The following SLIT2 variants were observed in gnomAD, a reference collection of about 807,000 sequenced individuals.
SLIT2 encodes the protein slit homolog 2 protein.
SLIT2 carries 41 observed loss-of-function variants against 185.7 expected under a neutral mutation model. The ratio of observed to expected loss-of-function variants is 0.22; its 90% CI spans 0.17 to 0.29. The LOEUF (loss-of-function observed/expected upper bound fraction) is 0.29. Ranked by LOEUF, SLIT2 falls within the 10% of genes least tolerant of loss-of-function variation. SLIT2 has a pLI of 1.00. For synonymous variants in SLIT2, 693 were observed against 680.2 expected (o/e 1.02, Z -0.29); for missense variants, 1,571 against 1,909.0 (o/e 0.82, Z 3.30).
In SLIT2 at chr4:20,466,006, A is replaced by C. The variant is rs184833152; in HGVS notation, c.396-1746A>C. On this transcript the variant is annotated intron_variant, in intron 4 of 36. Transcript: ENST00000504154. ...TTGAAGTGGAAAATTATAAGCGATT[A>C]GAAAACATGGAATTGGCGAAGACAG... is the stretch of plus-strand genomic sequence containing the variant. Among the ~76,000 whole-genome samples the C allele has an allele frequency of 4.4e-3, 674 of 151,540 alleles. 5 individuals carry two copies. The highest frequency in any genetic ancestry group is 0.015 in the African/African-American group (639 of 41,288).
In SLIT2 at chr4:20,528,790, C is replaced by T. The variant is rs1019145735; in HGVS notation, c.1463-159C>T. Among the ~76,000 whole-genome samples, 3 of 152,222 alleles carry T rather than the reference C, an allele frequency of 2.0e-5. No individual in the cohort carries two copies. In the East Asian group the frequency reaches 5.8e-4, roughly 29 times the overall value. On this transcript the variant is annotated intron_variant, in intron 15 of 36. Transcript: ENST00000504154. The surrounding 1 kb of genome is among the most constrained non-coding windows in gnomAD (Gnocchi z 4.2). ...CTCTTTTTTCCAGAAAATTCCAAGC[C>T]TTTCTTTTAACCTTTCTCCTGACAT...
At chr4:20,503,236 G>T (rs560028791) in intron 9 of SLIT2, among the ~76,000 whole-genome samples, 3 of 152,264 alleles carry the variant, frequency 2.0e-5, no homozygotes, top group South Asian at 4.1e-4. Context: ...TTAGGAAAAA[G>T]ATGTTATACA....
intron 11 of SLIT2, among the ~76,000 whole-genome samples, chr4:20,511,596 T>TTTTTATTA (rs1719748089): frequency 7.2e-6 from 1 of 138,574 alleles, no homozygotes; most frequent in African/African-American, 2.7e-5. Context: ...AATTTTTTTT[T>TTTTTATTA]TTTTTTTATT....
chr4:20,575,767 A>C (rs1726037674), intron 29 of SLIT2, among the ~76,000 whole-genome samples: 3 of 152,260 alleles, frequency 2.0e-5, no homozygotes, highest in African/African-American at 7.2e-5. Flanking sequence ...CACAAAATTC[A>C]AGTGCAGCCA....
At chr4:20,540,734 A>C (rs929198359) in intron 19 of SLIT2, among the ~76,000 whole-genome samples, 1 of 152,236 alleles carries the variant, frequency 6.6e-6, no homozygotes, top group Admixed American at 6.5e-5. Flanking sequence ...ATTTGAGAGA[A>C]GCATCCATCC....
At chr4:20,548,389 A>G (rs907934608) in intron 22 of SLIT2, 99 bp from the exon 23 acceptor site, 133 of 659,836 alleles carry the variant, frequency 2.0e-4, no homozygotes, top group South Asian at 7.5e-4. Context: ...AATGCTAACA[A>G]TACTGCTATG....
chr4:20,345,000 T>C (rs1436170661), intron 4 of SLIT2, among the ~76,000 whole-genome samples: 4 of 152,150 alleles, frequency 2.6e-5, no homozygotes, highest in Non-Finnish European at 5.9e-5. Context: ...GAGATTAATT[T>C]TGGGAGTGAT....
chr4:20,422,621 A>AGGG (rs1233114435), intron 4 of SLIT2, among the ~76,000 whole-genome samples: 1 of 152,116 alleles, frequency 6.6e-6, no homozygotes, highest in African/African-American at 2.4e-5. Flanking sequence ...AGTGGGCAGA[A>AGGG]GGGGGCATGA....
In SLIT2 at chr4:20,553,965, C is replaced by A; in HGVS notation, c.2722C>A (p.Gln908Lys). 2 of 1,587,420 alleles carry A rather than the reference C, an allele frequency of 1.3e-6. No homozygotes were observed. Among genetic ancestry groups the A allele is most frequent in the Non-Finnish European group, 1.7e-6 (2 of 1,170,736 alleles). The part of the protein sequence containing the change: ...LTTPSKKFTC[Q>K]GPVDVNILAK... Reference sequence around the variant, plus strand: ...AACTCCCTCCAAAAAATTTACCTGTCAAGGTATGGTTTTTAATCATTTGTA... The same window carrying A: ...AACTCCCTCCAAAAAATTTACCTGTAAAGGTATGGTTTTTAATCATTTGTA... The change falls in exon 26 of 37, where the codon CAA (glutamine) becomes AAA (lysine). Residue 908 changes from glutamine to lysine, a missense_variant. Physicochemically the swap from Gln to Lys is moderately conservative, Grantham distance 53. Coordinates refer to ENST00000504154, the MANE Select transcript of SLIT2 (RefSeq NM_004787.4).
chr4:20,382,585 A>G (rs554634689), intron 4 of SLIT2, among the ~76,000 whole-genome samples: 1 of 152,324 alleles, frequency 6.6e-6, no homozygotes, highest in East Asian at 1.9e-4. Context: ...CGAAATATAT[A>G]CACATAAATG....
At chr4:20,512,393 T>C (rs1245509536) in intron 11 of SLIT2, among the ~76,000 whole-genome samples, 2 of 152,184 alleles carry the variant, frequency 1.3e-5, no homozygotes, top group Non-Finnish European at 2.9e-5. Context: ...CAAAAAACAC[T>C]ACAGTTTTCT....
At chr4:20,273,787 G>A (rs577662028) in intron 4 of SLIT2, among the ~76,000 whole-genome samples, 214 of 152,232 alleles carry the variant, frequency 1.4e-3, no homozygotes, top group Non-Finnish European at 2.6e-3. Flanking sequence ...TACAACAGAG[G>A]AGCCCATGTA....
intron 4 of SLIT2, among the ~76,000 whole-genome samples, chr4:20,339,655 G>T (rs1373666709): frequency 1.3e-5 from 2 of 152,090 alleles, no homozygotes; most frequent in East Asian, 3.9e-4. Context: ...GATTAGATGT[G>T]GCTGAAGCAT....
chr4:20,513,668 T>C (rs1719944579), intron 11 of SLIT2, among the ~76,000 whole-genome samples: 1 of 152,058 alleles, frequency 6.6e-6, no homozygotes. Flanking sequence ...TTTATAGTAT[T>C]ACATCTATCT....
intron 12 of SLIT2, 124 bp from the exon 13 acceptor site, chr4:20,523,636 A>T: frequency 1.4e-6 from 1 of 729,424 alleles, no homozygotes; most frequent in East Asian, 2.6e-5. Flanking sequence ...TATTAAAGTT[A>T]AAATGTTAGT....
At position 20,618,764 on chromosome 4, in the gene SLIT2, C is replaced by T. The variant is rs1210323946; in HGVS notation, c.4349-4C>T. On this transcript the variant is annotated splice_region_variant and splice_polypyrimidine_tract_variant and intron_variant, in intron 36 of 36. Coordinates refer to ENST00000504154, the MANE Select transcript of SLIT2 (RefSeq NM_004787.4). ...AAATGCTTGTGCTTTTTGTTCTTTTCTAGAAATCTCTTGTCGAGGGGAAAG... is the reference window on the plus strand; with the variant it reads ...AAATGCTTGTGCTTTTTGTTCTTTTTTAGAAATCTCTTGTCGAGGGGAAAG... 1.9e-6 allele frequency: 3 copies of T among 1,577,200 alleles called. No individual in the cohort carries two copies. The highest frequency in any genetic ancestry group is 1.4e-5 in the African/African-American group (1 of 74,058).
At chr4:20,345,299 T>C (rs1411559037) in intron 4 of SLIT2, among the ~76,000 whole-genome samples, 1 of 152,108 alleles carries the variant, frequency 6.6e-6, no homozygotes, top group Non-Finnish European at 1.5e-5. Flanking sequence ...GATATATTTT[T>C]ATCCACATCT....
intron 4 of SLIT2, among the ~76,000 whole-genome samples, chr4:20,410,288 AC>A (rs1353378831): frequency 7.8e-5 from 9 of 115,434 alleles, no homozygotes; most frequent in Non-Finnish European, 1.5e-4. Context: ...TTGCTCTGTC[AC>A]CCAGGCTGGA....
chr4:20,457,534 G>C (rs977488286), intron 4 of SLIT2, among the ~76,000 whole-genome samples: 4 of 152,048 alleles, frequency 2.6e-5, no homozygotes, highest in African/African-American at 9.6e-5. Context: ...TCTATTGCAA[G>C]GTCTTTTTTG....
Sources: allele counts gnomAD v4.1 joint callset (sites outside exome capture counted in the v4.1 genomes callset), GRCh38; gene constraint gnomAD v4.1.1; non-coding constraint Gnocchi (gnomAD v3.1); transcripts MANE v1.5; gene names NCBI Gene and HGNC (gene_info 2026-07-23, HGNC 2026-07-21).